ERICH1: variants seen among roughly 807,000 people sequenced by gnomAD.
The protein encoded by ERICH1 is glutamate rich 1.
Under a neutral mutation model 39.6 loss-of-function variants are expected in ERICH1, and 56 were observed. The observed-to-expected ratio is 1.41, with a 90% CI of 1.14 to 1.77. ERICH1 has a LOEUF of 1.77. Ranked by LOEUF, ERICH1 falls within the 40% of genes most tolerant of loss-of-function variation. The pLI is 0.00. For missense variants in ERICH1, 826 were observed against 575.4 expected (o/e 1.44, Z -4.45); for synonymous variants, 313 against 223.6 (o/e 1.40, Z -3.57).
intron 1 of ERICH1, 23 bp downstream of exon 1, chr8:731,117 G>T (rs1016034626): frequency 4.0e-6 from 6 of 1,494,088 alleles, no homozygotes; most frequent in Middle Eastern, 3.8e-4. Context: ...GTCTGGGCAG[G>T]CCTCCGCACC....
At chr8:685,942 C>T (rs1208048805) in intron 3 of ERICH1, among the ~76,000 whole-genome samples, 4 of 147,664 alleles carry the variant, frequency 2.7e-5, no homozygotes, top group Non-Finnish European at 5.9e-5. Flanking sequence ...CCCAGCGGTT[C>T]GAGACCAGCC....
Position 731,203 on chromosome 8 carries a change from T to A in ERICH1, c.-42A>T. On this transcript the variant is annotated 5_prime_UTR_variant, in exon 1 of 6. Transcript: ENST00000262109. ...GACCTCAGACCACGGCGCGCGGTCC[T>A]GAGCTGAGCGCCGTGCCTTCCGGGT... 6.8e-7 allele frequency: 1 copy of A among 1,460,368 alleles called. No individual in the cohort carries two copies. Among genetic ancestry groups the A allele is most frequent in the African/African-American group, 1.5e-5 (1 of 68,514 alleles). 90.5% of individuals were successfully genotyped at this position (1,460,368 alleles called of 1,614,324 possible).
chr8:688,623 G>T (rs1808202065), intron 3 of ERICH1, among the ~76,000 whole-genome samples: 1 of 152,104 alleles, frequency 6.6e-6, no homozygotes, highest in Admixed American at 6.5e-5. Flanking sequence ...CTTGCAAAAA[G>T]GAAAAGATGT....
intron 3 of ERICH1, among the ~76,000 whole-genome samples, chr8:689,391 G>C (rs189102875): frequency 2.4e-4 from 36 of 152,354 alleles, no homozygotes; most frequent in African/African-American, 8.2e-4. Flanking sequence ...AATTACAGGC[G>C]TGAGCCACTG....
At chr8:670,998 C>T (rs1469895577) in intron 4 of ERICH1, among the ~76,000 whole-genome samples, 1 of 151,994 alleles carries the variant, frequency 6.6e-6, no homozygotes, top group Non-Finnish European at 1.5e-5. Flanking sequence ...CACTGGTCCC[C>T]AGGCTCCGAC....
intron 1 of ERICH1, among the ~76,000 whole-genome samples, chr8:717,370 G>T (rs1816251619): frequency 6.6e-6 from 1 of 152,212 alleles, no homozygotes; most frequent in Non-Finnish European, 1.5e-5. Flanking sequence ...GAAAGGCCTT[G>T]CCTCAAGCAT....
intron 1 of ERICH1, among the ~76,000 whole-genome samples, chr8:722,039 A>G (rs922691351): frequency 4.6e-5 from 7 of 152,078 alleles, no homozygotes; most frequent in Admixed American, 2.0e-4. Flanking sequence ...CCCAAATGAA[A>G]ATGCCTTGCA....
chr8:715,395 G>A (rs914365967), intron 2 of ERICH1, among the ~76,000 whole-genome samples: 4 of 152,224 alleles, frequency 2.6e-5, no homozygotes, highest in Non-Finnish European at 5.9e-5. Context: ...AGATGATCCT[G>A]CAGCCACCAA....
rs151103184 is a variant in ERICH1 at position 647,655 on chromosome 8, C to G, written c.976+20943G>C. On this transcript the variant is annotated intron_variant, in intron 3 of 3. Transcript: ENST00000522706. Reference sequence around the variant, plus strand: ...GGTCACAGGTGACCCGGGAAGCTGTCTGGCAGCCCTGATGGAGTTGAGCCA... The same window carrying G: ...GGTCACAGGTGACCCGGGAAGCTGTGTGGCAGCCCTGATGGAGTTGAGCCA... Among the ~76,000 whole-genome samples, 5 of 66,710 alleles carry G rather than the reference C, an allele frequency of 7.5e-5. 2 individuals are homozygous for G. In the East Asian group the frequency reaches 9.1e-4, roughly 12 times the overall value. The allele number at this position is 66,710 out of a possible 152,430, so 43.8% of individuals were successfully genotyped here. A position where few individuals can be genotyped will look rare whatever the true frequency, so the allele number is the denominator to read the frequency against.
At chr8:726,491 T>C (rs1164868039) in intron 1 of ERICH1, among the ~76,000 whole-genome samples, 1 of 141,324 alleles carries the variant, frequency 7.1e-6, no homozygotes, top group Non-Finnish European at 1.5e-5. Flanking sequence ...CAGGCACACA[T>C]GCATGCACAT....
At chr8:629,661 C>T (rs1318133623) in intron 3 of ERICH1, among the ~76,000 whole-genome samples, 4 of 144,662 alleles carry the variant, frequency 2.8e-5, no homozygotes, top group Non-Finnish European at 4.5e-5. Context: ...CCGCCTGTGA[C>T]CACCCACAGA....
intron 3 of ERICH1, among the ~76,000 whole-genome samples, chr8:633,152 G>C (rs573449075): frequency 7.1e-4 from 108 of 152,258 alleles, no homozygotes; most frequent in African/African-American, 2.5e-3. Context: ...ACGGAAACCA[G>C]TGTGGAGCCC....
intron 3 of ERICH1, chr8:626,111 G>A (rs1441532228): frequency 6.6e-6 from 1 of 152,134 alleles, no homozygotes; most frequent in Non-Finnish European, 1.5e-5. Context: ...CTTCTGTGTT[G>A]AATTTTCTTT....
At chr8:709,192 A>T (rs1473473204) in intron 2 of ERICH1, among the ~76,000 whole-genome samples, 1 of 152,194 alleles carries the variant, frequency 6.6e-6, no homozygotes, top group Non-Finnish European at 1.5e-5. Context: ...TGATCATCAC[A>T]AATTCCCTTT....
intron 3 of ERICH1, among the ~76,000 whole-genome samples, chr8:681,254 C>CTCCA (rs1021449723): frequency 2.4e-4 from 37 of 152,304 alleles, no homozygotes; most frequent in African/African-American, 8.9e-4. Context: ...ATGGTGGCTA[C>CTCCA]TCCATCCCAG....
intron 3 of ERICH1, among the ~76,000 whole-genome samples, chr8:687,538 G>A (rs1807713560): frequency 6.6e-6 from 1 of 152,242 alleles, no homozygotes; most frequent in Admixed American, 6.5e-5. Context: ...CGCGCTGAGG[G>A]GGCGCAGGGG....
At chr8:620,390 T>C (rs1349382038) in intron 3 of ERICH1, among the ~76,000 whole-genome samples, 2 of 152,082 alleles carry the variant, frequency 1.3e-5, no homozygotes, top group African/African-American at 2.4e-5. Context: ...AAAAATAATA[T>C]TTAAATGTGA....
intron 4 of ERICH1, among the ~76,000 whole-genome samples, chr8:670,641 A>G (rs1484744100): frequency 1.3e-5 from 2 of 152,126 alleles, no homozygotes; most frequent in Admixed American, 6.5e-5. Flanking sequence ...AGAGGCTCCT[A>G]TGTTATTCGG....
downstream of ERICH1, among the ~76,000 whole-genome samples, chr8:663,625 G>A (rs1317938862): frequency 5.9e-5 from 9 of 152,184 alleles, no homozygotes; most frequent in Admixed American, 2.0e-4. Flanking sequence ...GGTGGCCCCA[G>A]CAAACGCATG....
Sources: gnomAD v4.1 joint callset for allele counts (sites outside exome capture counted in the v4.1 genomes callset) on GRCh38, gnomAD v4.1.1 for gene constraint, MANE v1.5 for transcripts, NCBI Gene and HGNC (gene_info 2026-07-23, HGNC 2026-07-21) for gene names.